The following HUNK variants were observed in gnomAD, a reference collection of about 807,000 sequenced individuals.
HUNK encodes the protein hormonally up-regulated neu tumor-associated kinase.
HUNK carries 21 observed loss-of-function variants against 61.0 expected under a neutral mutation model. That is an observed-to-expected ratio of 0.34 (90% CI 0.24 to 0.50). The LOEUF is 0.50. Ranked by LOEUF, HUNK falls within the 20% of genes least tolerant of loss-of-function variation. The pLI is 0.98. For missense variants in HUNK, 772 were observed against 945.7 expected (o/e 0.82, Z 2.41); for synonymous variants, 371 against 386.1 (o/e 0.96, Z 0.46).
At chr21:31,947,058 G>T (rs572661518) in intron 4 of HUNK, among the ~76,000 whole-genome samples, 4,164 of 106,582 alleles carry the variant, frequency 0.039, 67 homozygotes, top group Non-Finnish European at 0.054. Flanking sequence ...CACATCCCAG[G>T]CTCAAGCCAG....
chr21:31,881,115 A>G (rs8127423), intron 1 of HUNK, among the ~76,000 whole-genome samples: 51,874 of 151,948 alleles, frequency 0.34, 9,286 homozygotes, highest in Middle Eastern at 0.46. Flanking sequence ...CCTGCAGCTG[A>G]GGCAGTCAGT....
chr21:31,938,640 A>G (rs2052747931), intron 2 of HUNK, among the ~76,000 whole-genome samples: 1 of 152,244 alleles, frequency 6.6e-6, no homozygotes, highest in Non-Finnish European at 1.5e-5. Context: ...ATAAGAGGAA[A>G]AAGAAACATT....
At chr21:31,900,408 C>T (rs1265413239) in intron 1 of HUNK, among the ~76,000 whole-genome samples, 2 of 149,898 alleles carry the variant, frequency 1.3e-5, no homozygotes, top group East Asian at 3.9e-4. Flanking sequence ...TCCCAGGTTG[C>T]AGGATTATTT....
chr21:31,942,870 C>T (rs987620927), intron 3 of HUNK, among the ~76,000 whole-genome samples: 2 of 151,792 alleles, frequency 1.3e-5, no homozygotes, highest in East Asian at 1.9e-4. Context: ...ATACCTGCCC[C>T]GAGAGAGACC....
intron 8 of HUNK, among the ~76,000 whole-genome samples, chr21:31,989,005 T>C (rs1195619568): frequency 1.3e-5 from 2 of 152,024 alleles, no homozygotes; most frequent in Non-Finnish European, 2.9e-5. Flanking sequence ...TAATTTTTTG[T>C]AGAGAGGGGG....
At chr21:31,894,946 C>T (rs542843762) in intron 1 of HUNK, among the ~76,000 whole-genome samples, 2 of 152,272 alleles carry the variant, frequency 1.3e-5, no homozygotes, top group East Asian at 3.9e-4. Flanking sequence ...ATCACAAACA[C>T]GGAACTCATG....
intron 4 of HUNK, among the ~76,000 whole-genome samples, chr21:31,951,023 C>G (rs1226776388): frequency 6.6e-6 from 1 of 151,974 alleles, no homozygotes; most frequent in African/African-American, 2.4e-5. Flanking sequence ...CCAGGACCCT[C>G]CGCTAGTGAA....
chr21:31,905,031 T>C lies in HUNK; in HGVS notation c.262-19437T>C, dbSNP rs141807280. On this transcript the variant is annotated intron_variant, in intron 1 of 10. Coordinates refer to ENST00000270112, the MANE Select transcript of HUNK (RefSeq NM_014586.2). Reference sequence around the variant, plus strand: ...AGGCAGAGGTTGCAGTGAGCCAAGATTGCACCACTGCACTCCAGCCTGGGC... The same window carrying C: ...AGGCAGAGGTTGCAGTGAGCCAAGACTGCACCACTGCACTCCAGCCTGGGC... Among the ~76,000 whole-genome samples, 368 of 150,988 alleles carry C rather than the reference T, an allele frequency of 2.4e-3. 3 individuals carry two copies. The highest frequency in any genetic ancestry group is 6.8e-3 in the Middle Eastern group (2 of 294).
rs959334385 is a variant in HUNK at position 31,873,985 on chromosome 21, G to C, written c.261+50G>C. On this transcript the variant is annotated intron_variant, in intron 1 of 10. Transcript: ENST00000270112. The surrounding 1 kb of genome is among the most constrained non-coding windows in gnomAD (Gnocchi z 6.1). ...CTGGGGCACAGGGGCGGGAGTCGGC[G>C]GCCAGGACCCCGCGGGGAGCACTGC... The C allele has an allele frequency of 3.7e-6, 5 of 1,365,428 alleles. No individual in the cohort carries two copies. Among genetic ancestry groups the C allele is most frequent in the Non-Finnish European group, 3.8e-6 (4 of 1,045,314 alleles). The allele number at this position is 1,365,428 out of a possible 1,614,324, so 84.6% of individuals were successfully genotyped here.
rs1437075378 is a variant in HUNK, at chr21:31,895,804, G to A, written c.261+21869G>A. 5.9e-5 allele frequency among the ~76,000 whole-genome samples: 9 copies of A among 152,304 alleles called. No homozygotes were observed. The South Asian group carries it at 1.2e-3, about 21-fold the overall frequency. Reference sequence around the variant, plus strand: ...CCTGGTAGAGGGTCAGTGTGAAGGAGGGCATTACCTTGAACCTGACAAGTC... The same window carrying A: ...CCTGGTAGAGGGTCAGTGTGAAGGAAGGCATTACCTTGAACCTGACAAGTC... On this transcript the variant is annotated intron_variant, in intron 1 of 10. Coordinates refer to ENST00000270112, the MANE Select transcript of HUNK (RefSeq NM_014586.2).
At chr21:31,905,495 G>T (rs992436478) in intron 1 of HUNK, among the ~76,000 whole-genome samples, 4 of 152,334 alleles carry the variant, frequency 2.6e-5, no homozygotes, top group African/African-American at 9.6e-5. Flanking sequence ...GGCATCTTAT[G>T]ATCTCCATGT....
chr21:31,940,104 A>C, intron 2 of HUNK, 61 bp from the exon 3 acceptor site: 3 of 1,383,368 alleles, frequency 2.2e-6, no homozygotes, highest in Non-Finnish European at 1.0e-6. Flanking sequence ...TTCAGAAGCA[A>C]AATGTAATTC....
chr21:31,976,786 T>C (rs1217907550), intron 7 of HUNK, among the ~76,000 whole-genome samples: 1 of 151,096 alleles, frequency 6.6e-6, no homozygotes, highest in African/African-American at 2.4e-5. Flanking sequence ...TTTTTTTTCT[T>C]TTGAGATGAG....
intron 7 of HUNK, among the ~76,000 whole-genome samples, chr21:31,978,875 G>C (rs2053070538): frequency 6.6e-6 from 1 of 152,046 alleles, no homozygotes. Flanking sequence ...TCACATGGTA[G>C]TTCTACTTTT....
intron 1 of HUNK, among the ~76,000 whole-genome samples, chr21:31,897,833 GTGGAGGGTGCTGCC>G (rs2052435644): frequency 6.6e-6 from 1 of 152,168 alleles, no homozygotes; most frequent in Non-Finnish European, 1.5e-5. Flanking sequence ...TGGGCTTTGG[GTGGAGGGTGCTGCC>G]TGGACCTTCT....
rs533561877 is a variant in HUNK, at chr21:31,938,472, G to A, written c.555-1693G>A. Among the ~76,000 whole-genome samples, 19 of 152,194 alleles carry A rather than the reference G, an allele frequency of 1.2e-4. 1 individual carries two copies. The East Asian group carries it at 1.7e-3, about 14-fold the overall frequency. On this transcript the variant is annotated intron_variant, in intron 2 of 10. Coordinates refer to ENST00000270112, the MANE Select transcript of HUNK (RefSeq NM_014586.2). ...GAGGTGAGCTGGCAGTGTTGGGACC[G>A]AGCCGTGAGTAGCTGTCCCCGTTAA...
chr21:31,890,234 C>CTT lies in HUNK; in HGVS notation c.261+16310_261+16311dup, dbSNP rs535992198. Among the ~76,000 whole-genome samples, 297 of 146,386 alleles carry CTT rather than the reference C, an allele frequency of 2.0e-3. 1 individual carries two copies. The highest frequency in any genetic ancestry group is 3.2e-3 in the Non-Finnish European group (211 of 66,480). On this transcript the variant is annotated intron_variant, in intron 1 of 10. Transcript: ENST00000270112. Reference sequence around the variant, plus strand: ...TATCCATTCTCTCTGTTTTAGATACCTTTTTTTTTTTTGAGACAGAGTCTC... The same window carrying CTT: ...TATCCATTCTCTCTGTTTTAGATACCTTTTTTTTTTTTTTGAGACAGAGTCTC...
At chr21:31,904,162 T>C (rs1297047553) in intron 1 of HUNK, among the ~76,000 whole-genome samples, 1 of 151,980 alleles carries the variant, frequency 6.6e-6, no homozygotes, top group African/African-American at 2.4e-5. Context: ...CCACAAAAGA[T>C]TGGCCTTTTA....
At chr21:31,879,519 C>A (rs571306853) in intron 1 of HUNK, among the ~76,000 whole-genome samples, 1 of 152,300 alleles carries the variant, frequency 6.6e-6, no homozygotes, top group South Asian at 2.1e-4. Flanking sequence ...TCAAAGGGTG[C>A]TTTGAGTCAG....
Sources: allele counts gnomAD v4.1 joint callset (sites outside exome capture counted in the v4.1 genomes callset), GRCh38; gene constraint gnomAD v4.1.1; non-coding constraint Gnocchi (gnomAD v3.1); transcripts MANE v1.5; gene names NCBI Gene and HGNC (gene_info 2026-07-23, HGNC 2026-07-21).